Variants in ATP6V0A4 observed in about 807,000 individuals in gnomAD.
ATP6V0A4 encodes the protein ATPase H+ transporting V0 subunit a4, also known as V-type proton ATPase 116 kDa subunit a 4.
ATP6V0A4 carries 86 observed loss-of-function variants against 107.3 expected under a neutral mutation model. The ratio of observed to expected loss-of-function variants is 0.80; its 90% CI spans 0.67 to 0.96. The LOEUF (loss-of-function observed/expected upper bound fraction) is 0.96, where lower values mean the gene tolerates loss of function less well. Among genes scored for constraint, ATP6V0A4 ranks in the 40% least tolerant of loss-of-function variants. The pLI is 0.00. For synonymous variants in ATP6V0A4, 353 were observed against 381.4 expected, an observed-to-expected ratio of 0.93 and a Z score of 0.87; for missense variants, 908 against 1,045.6, an observed-to-expected ratio of 0.87 and a Z score of 1.81.
chr7:138,767,904 C>T (rs1372982127), intron 5 of ATP6V0A4, among the ~76,000 whole-genome samples: 2 of 152,090 alleles, frequency 1.3e-5, no homozygotes, highest in African/African-American at 2.4e-5. Context: ...CTACCTTGCA[C>T]GTGGCAGGTA....
At chr7:138,770,012 C>A (rs1196447603) in intron 3 of ATP6V0A4, among the ~76,000 whole-genome samples, 2 of 152,168 alleles carry the variant, frequency 1.3e-5, no homozygotes, top group Admixed American at 1.3e-4. Context: ...GATTGTGCCA[C>A]TGCACTCCAG....
rs116897812 is a variant in ATP6V0A4 at position 138,740,079 on chromosome 7, A to G, written c.1479-446T>C. On this transcript the variant is annotated intron_variant, in intron 14 of 21. Transcript: ENST00000310018. ...CACTGCACTCCAGCCTGGGCAACAGAGTGAGACTCTGTTGAAAGGAAAAAA... is the reference window on the plus strand; with the variant it reads ...CACTGCACTCCAGCCTGGGCAACAGGGTGAGACTCTGTTGAAAGGAAAAAA... 3.7e-3 allele frequency among the ~76,000 whole-genome samples: 515 copies of G among 138,094 alleles called. 4 individuals carry two copies. Among genetic ancestry groups the G allele is most frequent in the Non-Finnish European group, 6.3e-3 (412 of 65,530 alleles). 90.6% of individuals were successfully genotyped at this position (138,094 alleles called of 152,430 possible).
chr7:138,708,931 A>G lies in ATP6V0A4; in HGVS notation c.2429+693T>C, dbSNP rs563775789. Among the ~76,000 whole-genome samples, 140 of 152,056 alleles carry G rather than the reference A, an allele frequency of 9.2e-4. 4 individuals carry two copies. In the South Asian group the frequency reaches 0.028, roughly 31 times the overall value. On this transcript the variant is annotated intron_variant, in intron 21 of 21. Coordinates refer to ENST00000310018, the MANE Select transcript of ATP6V0A4 (RefSeq NM_020632.3). ...TCTACTAAAAATACAAAAATTAGTC[A>G]GGTGTGACGGTGCATGCCTGTAATC...
At chr7:138,744,410 GT>G (rs1365324294) in intron 14 of ATP6V0A4, among the ~76,000 whole-genome samples, 1 of 151,874 alleles carries the variant, frequency 6.6e-6, no homozygotes, top group Non-Finnish European at 1.5e-5. Context: ...GCTAATTTTT[GT>G]ATTTTTAGCA....
In ATP6V0A4 at chr7:138,747,557, G is replaced by GT. The variant is rs1806015333; in HGVS notation, c.1187dup (p.Tyr396Ter). 1 of 1,614,092 alleles carries GT rather than the reference G, an allele frequency of 6.2e-7. No homozygotes were observed. Among genetic ancestry groups the GT allele is most frequent in the Admixed American group, 1.7e-5 (1 of 60,012 alleles). ...GSYREINPAPYTIITFPFLFA... is the reference protein window; with the variant it reads ...GSYREINPAP ...ACAGGAAGGGGAAAGTGATGATGGT[G>GT]TAGGGGGCTGCGGAGGGGAGACACA... The change falls in exon 13 of 22, where the codon TAC becomes TAAC. Residue 396 changes from tyrosine (Y) to a stop codon, truncating the protein, a stop_gained and frameshift_variant. Coordinates refer to ENST00000310018, the MANE Select transcript of ATP6V0A4 (RefSeq NM_020632.3). LOFTEE classifies it high-confidence loss of function.
At chr7:138,749,609 G>A (rs1806129334) in intron 11 of ATP6V0A4, among the ~76,000 whole-genome samples, 3 of 152,090 alleles carry the variant, frequency 2.0e-5, no homozygotes. Context: ...GGCCCTCTAT[G>A]CTTTCCTCCT....
chr7:138,706,860 G>A, intron 21 of ATP6V0A4, 143 bp from the exon 22 acceptor site: 1 of 1,302,636 alleles, frequency 7.7e-7, no homozygotes, highest in Non-Finnish European at 1.0e-6. Context: ...CAGGCACCCA[G>A]GCTGATGGCT....
At chr7:138,748,145 A>C (rs1806050472) in intron 12 of ATP6V0A4, among the ~76,000 whole-genome samples, 1 of 152,144 alleles carries the variant, frequency 6.6e-6, no homozygotes, top group African/African-American at 2.4e-5. Flanking sequence ...AGTCAAAAAA[A>C]AAAAAATCAC....
chr7:138,788,136 T>C (rs1808251575), intron 1 of ATP6V0A4, among the ~76,000 whole-genome samples: 1 of 152,216 alleles, frequency 6.6e-6, no homozygotes, highest in African/African-American at 2.4e-5. Context: ...CTGGTTCGCT[T>C]CGGTTTTATG....
chr7:138,761,763 T>C (rs969503049), intron 7 of ATP6V0A4, among the ~76,000 whole-genome samples: 1 of 152,170 alleles, frequency 6.6e-6, no homozygotes, highest in Non-Finnish European at 1.5e-5. Context: ...CACTGCAACC[T>C]CTACCTCCAG....
chr7:138,731,936 ATAAAT>A (rs1194296832), intron 17 of ATP6V0A4, among the ~76,000 whole-genome samples: 2 of 143,764 alleles, frequency 1.4e-5, no homozygotes, highest in Non-Finnish European at 3.0e-5. Flanking sequence ...AAATAAATAA[ATAAAT>A]AAAATATTAA....
chr7:138,706,623 C>G lies in ATP6V0A4; in HGVS notation c.*1G>C, dbSNP rs775854630. 9.9e-6 allele frequency: 16 copies of G among 1,613,774 alleles called. No homozygotes were observed. Among genetic ancestry groups the G allele is most frequent in the Non-Finnish European group, 1.4e-5 (16 of 1,179,906 alleles). ...CCACCGTGGGAGGTGCAGCCCTCAG[C>G]CTACTCCTCGGCTGTGCCATCCAGG... On this transcript the variant is annotated 3_prime_UTR_variant, in exon 22 of 22. Transcript: ENST00000310018.
At chr7:138,708,899 C>A (rs1322046766) in intron 21 of ATP6V0A4, among the ~76,000 whole-genome samples, 1 of 152,100 alleles carries the variant, frequency 6.6e-6, no homozygotes, top group Non-Finnish European at 1.5e-5. Context: ...CATAGGGGAA[C>A]CCCATCTCTA....
intron 11 of ATP6V0A4, 96 bp from the exon 12 acceptor site, chr7:138,749,413 A>G: frequency 1.4e-6 from 2 of 1,429,856 alleles, no homozygotes; most frequent in South Asian, 1.2e-5. Flanking sequence ...GCCGTCCCTC[A>G]CTGAGCGAAC....
At chr7:138,707,316 A>G (rs1174153457) in intron 21 of ATP6V0A4, among the ~76,000 whole-genome samples, 1 of 69,602 alleles carries the variant, frequency 1.4e-5, no homozygotes, top group Non-Finnish European at 2.5e-5. Flanking sequence ...ATATTTATTT[A>G]TATTTATATT....
intron 14 of ATP6V0A4, among the ~76,000 whole-genome samples, chr7:138,741,405 T>C (rs142735672): frequency 1.3e-4 from 20 of 152,186 alleles, no homozygotes; most frequent in Admixed American, 6.5e-4. Context: ...TGGATTTCCA[T>C]AGCAGAGAAG....
intron 2 of ATP6V0A4, among the ~76,000 whole-genome samples, chr7:138,776,271 G>A (rs542163189): frequency 1.8e-4 from 28 of 152,326 alleles, no homozygotes; most frequent in South Asian, 1.7e-3. Flanking sequence ...CTGAGGCAGC[G>A]ATTGTGAACC....
chr7:138,793,243 C>T (rs920592736), intron 1 of ATP6V0A4, among the ~76,000 whole-genome samples: 1 of 151,984 alleles, frequency 6.6e-6, no homozygotes, highest in Non-Finnish European at 1.5e-5. Context: ...TGCAGTGAGC[C>T]GAGATCGTGC....
intron 16 of ATP6V0A4, 73 bp from the exon 17 acceptor site, chr7:138,733,166 A>G: frequency 1.9e-6 from 3 of 1,591,420 alleles, no homozygotes; most frequent in Non-Finnish European, 8.5e-7. Context: ...ATTCTCTCAA[A>G]GCACAAAAGC....
Sources: gnomAD v4.1 joint callset for allele counts (sites outside exome capture counted in the v4.1 genomes callset) on GRCh38, gnomAD v4.1.1 for gene constraint, MANE v1.5 for transcripts, NCBI Gene and HGNC (gene_info 2026-07-23, HGNC 2026-07-21) for gene names.